The following OTUD7A variants were observed in gnomAD, a reference collection of about 807,000 sequenced individuals.
The protein encoded by OTUD7A is OTU domain-containing protein 7A.
In OTUD7A, 12 loss-of-function variants were observed where a neutral mutation model predicts 65.7. The ratio of observed to expected loss-of-function variants is 0.18; its 90% CI spans 0.12 to 0.30. The LOEUF is 0.30. Among genes scored for constraint, OTUD7A ranks in the 10% least tolerant of loss-of-function variants. The pLI, the probability that OTUD7A is intolerant of heterozygous loss-of-function variation, is 1.00. For synonymous variants in OTUD7A, 641 were observed against 586.3 expected (o/e 1.09, Z -1.35); for missense variants, 1,148 against 1,304.8 (o/e 0.88, Z 1.85).
At chr15:31,737,687 T>G (rs189854259) in intron 1 of OTUD7A, among the ~76,000 whole-genome samples, 88 of 152,286 alleles carry the variant, frequency 5.8e-4, no homozygotes, top group African/African-American at 2.1e-3. Flanking sequence ...TATAAAGAAT[T>G]TTTGAAGTGG....
intron 6 of OTUD7A, among the ~76,000 whole-genome samples, chr15:31,528,502 A>G (rs1268281950): frequency 6.6e-6 from 1 of 152,274 alleles, no homozygotes; most frequent in Non-Finnish European, 1.5e-5. Context: ...CTGGCTGGGC[A>G]TCTTTGGATA....
chr15:31,719,167 C>A (rs1179370042), intron 1 of OTUD7A, among the ~76,000 whole-genome samples: 1 of 152,218 alleles, frequency 6.6e-6, no homozygotes, highest in Non-Finnish European at 1.5e-5. Context: ...TCACTGCAGC[C>A]TTGAACTCCT....
intron 3 of OTUD7A, among the ~76,000 whole-genome samples, chr15:31,603,781 A>T (rs1288850695): frequency 6.6e-6 from 1 of 152,212 alleles, no homozygotes; most frequent in Non-Finnish European, 1.5e-5. Context: ...AAAGTGGGCA[A>T]ATTATATGAA....
chr15:31,546,916 T>C (rs939148032), intron 5 of OTUD7A, among the ~76,000 whole-genome samples: 1 of 152,150 alleles, frequency 6.6e-6, no homozygotes, highest in Non-Finnish European at 1.5e-5. Flanking sequence ...AGAGGCAAAA[T>C]AAACCTATGC....
chr15:31,646,398 TTCTC>T (rs1416993045), intron 3 of OTUD7A, among the ~76,000 whole-genome samples: 1 of 152,092 alleles, frequency 6.6e-6, no homozygotes, highest in Non-Finnish European at 1.5e-5. Context: ...GTGTCTTTCT[TTCTC>T]TCTTTCTCTC....
At chr15:31,819,657 C>CA (rs1896631418) in intron 1 of OTUD7A, among the ~76,000 whole-genome samples, 1 of 151,818 alleles carries the variant, frequency 6.6e-6, no homozygotes, top group Non-Finnish European at 1.5e-5. Context: ...GTGTATAATT[C>CA]AAAACCACTT....
chr15:31,825,872 A>G (rs963947191), intron 1 of OTUD7A, among the ~76,000 whole-genome samples: 1 of 152,258 alleles, frequency 6.6e-6, no homozygotes, highest in Non-Finnish European at 1.5e-5. Flanking sequence ...CCATTGGGGC[A>G]GTCAAATCTT....
intron 3 of OTUD7A, 94 bp from the exon 4 acceptor site, chr15:31,570,291 G>C (rs1457730896): frequency 1.5e-6 from 2 of 1,364,898 alleles, no homozygotes; most frequent in Non-Finnish European, 2.0e-6. Context: ...TTTCCCATTA[G>C]GACATAAACT....
chr15:31,570,995 CTT>C (rs1416763600), intron 3 of OTUD7A, among the ~76,000 whole-genome samples: 1 of 152,164 alleles, frequency 6.6e-6, no homozygotes, highest in Non-Finnish European at 1.5e-5. Context: ...TTAACAATAA[CTT>C]AATGTATATT....
chr15:31,784,460 G>A (rs998767352), intron 1 of OTUD7A, among the ~76,000 whole-genome samples: 6 of 152,006 alleles, frequency 3.9e-5, no homozygotes, highest in Admixed American at 1.3e-4. Flanking sequence ...CATCCTTTTC[G>A]TGATATTTTT....
At chr15:31,611,698 C>G (rs994377790) in intron 3 of OTUD7A, among the ~76,000 whole-genome samples, 1 of 152,076 alleles carries the variant, frequency 6.6e-6, no homozygotes, top group East Asian at 1.9e-4. Context: ...CAGGACCAGA[C>G]GGATTCACAG....
At chr15:31,652,401 T>C in intron 3 of OTUD7A, among the ~76,000 whole-genome samples, 1 of 152,188 alleles carries the variant, frequency 6.6e-6, no homozygotes. Flanking sequence ...AAAGACCAAC[T>C]ACAAGAAAAT....
intron 1 of OTUD7A, among the ~76,000 whole-genome samples, chr15:31,836,135 C>A (rs965721805): frequency 4.6e-5 from 7 of 151,788 alleles, no homozygotes; most frequent in African/African-American, 1.7e-4. Context: ...ACCGAGAAAC[C>A]AAAACTTTTT....
At chr15:31,683,698 G>A (rs1168053767) in intron 1 of OTUD7A, among the ~76,000 whole-genome samples, 2 of 152,102 alleles carry the variant, frequency 1.3e-5, no homozygotes, top group African/African-American at 4.8e-5. Flanking sequence ...TGATTATTGT[G>A]GCCATTATTT....
intron 3 of OTUD7A, among the ~76,000 whole-genome samples, chr15:31,615,355 G>A (rs1890554522): frequency 6.6e-6 from 1 of 152,084 alleles, no homozygotes; most frequent in Non-Finnish European, 1.5e-5. Context: ...TGACGTTAAT[G>A]AAAATAAAAC....
At chr15:31,718,029 G>T (rs1893637737) in intron 1 of OTUD7A, among the ~76,000 whole-genome samples, 2 of 152,140 alleles carry the variant, frequency 1.3e-5, no homozygotes, top group South Asian at 2.1e-4. Context: ...GTCTGGGTCT[G>T]CCCTGTGAGG....
At chr15:31,519,530 C>A (rs1447666150) in intron 8 of OTUD7A, among the ~76,000 whole-genome samples, 4 of 152,128 alleles carry the variant, frequency 2.6e-5, no homozygotes, top group Non-Finnish European at 4.4e-5. Context: ...TATGACAAAC[C>A]CACAGCTAAC....
At chr15:31,491,984 A>T (rs2041322800) in intron 10 of OTUD7A, among the ~76,000 whole-genome samples, 1 of 152,262 alleles carries the variant, frequency 6.6e-6, no homozygotes, top group Non-Finnish European at 1.5e-5. Context: ...CATTGCCAGC[A>T]GACCTGAACT....
At chr15:31,713,754 A>G (rs894494169) in intron 1 of OTUD7A, among the ~76,000 whole-genome samples, 2 of 151,738 alleles carry the variant, frequency 1.3e-5, no homozygotes, top group Non-Finnish European at 2.9e-5. Flanking sequence ...TAGACTCAGT[A>G]AAGGACTGGT....
Sources: allele counts gnomAD v4.1 joint callset (sites outside exome capture counted in the v4.1 genomes callset), GRCh38; gene constraint gnomAD v4.1.1; transcripts MANE v1.5; gene names NCBI Gene and HGNC (gene_info 2026-07-23, HGNC 2026-07-21).